The following BTBD8 variants were observed in gnomAD, a reference collection of about 807,000 sequenced individuals.
BTBD8 encodes the protein BTB/POZ domain-containing protein 8.
BTBD8 carries 110 observed loss-of-function variants against 162.9 expected under a neutral mutation model. That is an observed-to-expected ratio of 0.68 (90% CI 0.58 to 0.79). The LOEUF (loss-of-function observed/expected upper bound fraction) is 0.79. Ranked by LOEUF, BTBD8 falls within the 30% of genes least tolerant of loss-of-function variation. The pLI is 0.00. For missense variants in BTBD8, 1,905 were observed against 2,085.4 expected (o/e 0.91, Z 1.68); for synonymous variants, 667 against 716.1 (o/e 0.93, Z 1.10).
At chr1:92,154,652 T>G (rs1244138936) in intron 9 of BTBD8, among the ~76,000 whole-genome samples, 2 of 152,200 alleles carry the variant, frequency 1.3e-5, no homozygotes, top group African/African-American at 4.8e-5. Context: ...GCTATTAAAT[T>G]GTAGGAGTTT....
chr1:92,089,374 C>G (rs1421605402), intron 2 of BTBD8, among the ~76,000 whole-genome samples: 2 of 152,126 alleles, frequency 1.3e-5, no homozygotes, highest in African/African-American at 4.8e-5. Context: ...AGAACCGTTG[C>G]TACGTACTCA....
intron 16 of BTBD8, among the ~76,000 whole-genome samples, chr1:92,179,027 C>T (rs1344032413): frequency 6.6e-6 from 1 of 152,128 alleles, no homozygotes; most frequent in Non-Finnish European, 1.5e-5. Context: ...GGGTGGATCA[C>T]CTGAGGTCAG....
chr1:92,112,296 C>T (rs536518864), intron 4 of BTBD8, among the ~76,000 whole-genome samples: 4 of 151,998 alleles, frequency 2.6e-5, no homozygotes, highest in East Asian at 1.9e-4. Flanking sequence ...CTCAGCTAAT[C>T]GGGAGGCTGA....
At chr1:92,148,419 A>G (rs1649974752) in intron 9 of BTBD8, among the ~76,000 whole-genome samples, 1 of 152,206 alleles carries the variant, frequency 6.6e-6, no homozygotes, top group South Asian at 2.1e-4. Flanking sequence ...CACTGGTCTT[A>G]GAAAGATTCC....
chr1:92,101,780 T>C (rs1168578011), intron 2 of BTBD8, among the ~76,000 whole-genome samples: 2 of 151,944 alleles, frequency 1.3e-5, no homozygotes, highest in Non-Finnish European at 2.9e-5. Flanking sequence ...TCACTGCAAC[T>C]TGACCTGCAG....
intron 2 of BTBD8, 42 bp from the exon 3 acceptor site, chr1:92,102,431 C>T (rs1038087444): frequency 1.6e-6 from 2 of 1,227,316 alleles, no homozygotes; most frequent in African/African-American, 3.1e-5. Context: ...TTTTAAGAAT[C>T]ACCAATGTTA....
In BTBD8 at chr1:92,080,480, G is replaced by A. The variant is rs1647967981; in HGVS notation, c.-92G>A. ...TAGGGGGCGGATTTGGGTAGGAGCC[G>A]AGCGTTCGGTCGGAAACGCCCCCTT... On this transcript the variant is annotated 5_prime_UTR_variant, in exon 1 of 18. Transcript: ENST00000636805. 2 of 1,551,640 alleles carry A rather than the reference G, an allele frequency of 1.3e-6. No homozygotes were observed. Among genetic ancestry groups the A allele is most frequent in the Admixed American group, 2.1e-5 (1 of 48,602 alleles).
Position 92,182,470 on chromosome 1 carries a change from A to C in BTBD8, c.4787A>C (p.Asp1596Ala). ...CTTCATCAAAGAGAACCCAATTCTG[A>C]CATACCAAAGAACAGCTCTACAAAA... ...LDLHQREPNS[D>A]IPKNSSTKSL... Residue 1596 changes from aspartate (D) to alanine (A), a missense_variant, in exon 17 of 18, where the codon GAC becomes GCC. Around this residue, in one of 3 missense-constraint regions of BTBD8, gnomAD observed 517 missense variants for 606.6 expected, o/e 0.85. Coordinates refer to ENST00000636805, the MANE Select transcript of BTBD8 (RefSeq NM_001376131.1). The C allele has an allele frequency of 6.4e-7, 1 of 1,551,678 alleles. No homozygotes were observed. Among genetic ancestry groups the C allele is most frequent in the Non-Finnish European group, 8.7e-7 (1 of 1,146,886 alleles).
At chr1:92,082,519 G>A (rs890999798) in intron 1 of BTBD8, among the ~76,000 whole-genome samples, 4 of 152,114 alleles carry the variant, frequency 2.6e-5, no homozygotes, top group Non-Finnish European at 5.9e-5. Flanking sequence ...CTTAGGGATT[G>A]GTTAAGAATT....
chr1:92,126,573 T>A, intron 4 of BTBD8: 1 of 424,966 alleles, frequency 2.4e-6, no homozygotes, highest in African/African-American at 2.0e-5. Flanking sequence ...GCATCACAGC[T>A]TCTTGTCTGT....
chr1:92,107,903 T>G lies in BTBD8; in HGVS notation c.564T>G (p.Pro188=). The change falls in exon 4 of 18, where the codon CCT becomes CCG. Residue 188 remains proline, a synonymous_variant. Transcript: ENST00000636805. ...FISNDNYDLE[P]ASELGEDLLK... ...TTAAAGATAATTATGACTTGGAGCC[T>G]GCATCTGAATTAGGAGAAGATTTAT... 6.2e-7 allele frequency: 1 copy of G among 1,613,562 alleles called. No homozygotes were observed. The highest frequency in any genetic ancestry group is 8.5e-7 in the Non-Finnish European group (1 of 1,179,724).
chr1:92,136,829 G>A (rs1175897881), intron 5 of BTBD8, among the ~76,000 whole-genome samples: 5 of 152,170 alleles, frequency 3.3e-5, no homozygotes, highest in Non-Finnish European at 4.4e-5. Context: ...AGTGGTATCT[G>A]CTGTAGAGTT....
chr1:92,120,319 C>G (rs958552440), intron 4 of BTBD8, among the ~76,000 whole-genome samples: 1 of 152,198 alleles, frequency 6.6e-6, no homozygotes, highest in Admixed American at 6.5e-5. Flanking sequence ...TCCCTTCCGC[C>G]TCCACATCAT....
chr1:92,177,137 A>G lies in BTBD8; in HGVS notation c.1944A>G (p.Ala648=). The change falls in exon 14 of 18, where the codon GCA becomes GCG. Residue 648 remains alanine (A), a synonymous_variant. Coordinates refer to ENST00000636805, the MANE Select transcript of BTBD8 (RefSeq NM_001376131.1). ...CCAAAACAGAAAATGGTGATAAGGC[A>G]CGGTTGGAAAACATGTCACCTAGAC... is the stretch of plus-strand genomic sequence containing the variant. ...TKSKTENGDK[A]RLENMSPRQV... 1 of 1,551,738 alleles carries G rather than the reference A, an allele frequency of 6.4e-7. No homozygotes were observed. The highest frequency in any genetic ancestry group is 8.7e-7 in the Non-Finnish European group (1 of 1,146,996).
intron 9 of BTBD8, among the ~76,000 whole-genome samples, chr1:92,165,756 G>T (rs1298109892): frequency 2.0e-5 from 3 of 152,160 alleles, no homozygotes; most frequent in Non-Finnish European, 4.4e-5. Flanking sequence ...CTTTGGTCTG[G>T]TGGTCCCAGG....
At position 92,177,794 on chromosome 1, in the gene BTBD8, T is replaced by A; in HGVS notation, c.2354-17T>A. 7.0e-7 allele frequency: 1 copy of A among 1,426,124 alleles called. No individual in the cohort carries two copies. The highest frequency in any genetic ancestry group is 9.7e-7 in the Non-Finnish European group (1 of 1,034,224). The allele number at this position is 1,426,124 out of a possible 1,614,324, so 88.3% of individuals were successfully genotyped here. A position where few individuals can be genotyped will look rare whatever the true frequency, so the allele number is the denominator to read the frequency against. ...TAATGTATTCTCTCTTATGACTCACTTTTTCTTAATTTATAGCCATAAAAT... is the reference window on the plus strand; with the variant it reads ...TAATGTATTCTCTCTTATGACTCACATTTTCTTAATTTATAGCCATAAAAT... On this transcript the variant is annotated splice_polypyrimidine_tract_variant and intron_variant, in intron 14 of 17. Coordinates refer to ENST00000636805, the MANE Select transcript of BTBD8 (RefSeq NM_001376131.1).
At chr1:92,123,553 GTT>G (rs982747194) in intron 4 of BTBD8, among the ~76,000 whole-genome samples, 13 of 152,110 alleles carry the variant, frequency 8.5e-5, no homozygotes, top group Non-Finnish European at 1.5e-4. Flanking sequence ...TACACATTTT[GTT>G]ACATTTGTTG....
intron 5 of BTBD8, among the ~76,000 whole-genome samples, chr1:92,135,460 C>T (rs1464782983): frequency 6.6e-6 from 1 of 152,158 alleles, no homozygotes; most frequent in African/African-American, 2.4e-5. Context: ...GATCTTTGTC[C>T]TAAAATCGGT....
intron 9 of BTBD8, among the ~76,000 whole-genome samples, chr1:92,166,700 T>C (rs963538214): frequency 1.3e-5 from 2 of 152,022 alleles, no homozygotes; most frequent in Non-Finnish European, 2.9e-5. Context: ...ACTGGGATTA[T>C]AGGAATGAGC....
Sources: allele counts gnomAD v4.1 joint callset (sites outside exome capture counted in the v4.1 genomes callset), GRCh38; gene constraint gnomAD v4.1.1; regional missense constraint gnomAD v4.1.1; transcripts MANE v1.5; gene names NCBI Gene and HGNC (gene_info 2026-07-23, HGNC 2026-07-21).